Variants in GJB6 observed in about 807,000 individuals in gnomAD.
GJB6 encodes gap junction beta-6 protein.
Under a neutral mutation model 5.4 loss-of-function variants are expected in GJB6, and 5 were observed. The ratio of observed to expected loss-of-function variants is 0.92; its 90% CI spans 0.48 to 1.93. The LOEUF is 1.93. Among genes scored for constraint, GJB6 ranks in the 30% most tolerant of loss-of-function variants. The pLI is 0.01. For missense variants in GJB6, 298 were observed against 326.9 expected (o/e 0.91, Z 0.68); for synonymous variants, 136 against 129.6 (o/e 1.05, Z -0.34).
rs749922524 is a variant in GJB6 at position 20,223,501 on chromosome 13, C to T, written c.-15-6G>A. 3.3e-5 allele frequency: 53 copies of T among 1,611,648 alleles called. No homozygotes were observed. In the South Asian group the frequency reaches 4.5e-4, roughly 14 times the overall value. Reference sequence around the variant, plus strand: ...TCCATTGCGCTGGTTTATCCCTAAACAGACAAAAGTGGGCAAAGGTTTATT... The same window carrying T: ...TCCATTGCGCTGGTTTATCCCTAAATAGACAAAAGTGGGCAAAGGTTTATT... On this transcript the variant is annotated splice_polypyrimidine_tract_variant and splice_region_variant and intron_variant, in intron 4 of 4. Coordinates refer to ENST00000647029, the MANE Select transcript of GJB6 (RefSeq NM_001110219.3).
chr13:20,231,706 A>G (rs1870094175), intron 1 of GJB6, among the ~76,000 whole-genome samples: 1 of 152,118 alleles, frequency 6.6e-6, no homozygotes, highest in South Asian at 2.1e-4. Flanking sequence ...CCAAGGGGAC[A>G]CCCCGGTGAC....
At chr13:20,231,015 C>G (rs142299925) in intron 2 of GJB6, 1 of 152,302 alleles carries the variant, frequency 6.6e-6, no homozygotes, top group African/African-American at 2.4e-5. Context: ...CTTCAGAACC[C>G]CCCTCTCCTC....
rs115033586 is a variant in GJB6 at position 20,230,433 on chromosome 13, G to C, written c.-186+265C>G. Among the ~76,000 whole-genome samples the C allele has an allele frequency of 0.037, 5,637 of 152,226 alleles. 354 individuals carry two copies. The highest frequency in any genetic ancestry group is 0.13 in the African/African-American group (5,279 of 41,518). ...TGGGTCTTGTTAGCAATATATGTTT[G>C]TTCATTCAAGCAAACCTGTGTCCTT... On this transcript the variant is annotated intron_variant, in intron 3 of 4. Transcript: ENST00000647029.
At chr13:20,228,328 G>C (rs1002048798) in intron 4 of GJB6, among the ~76,000 whole-genome samples, 2 of 152,164 alleles carry the variant, frequency 1.3e-5, no homozygotes, top group African/African-American at 4.8e-5. Context: ...TTTAAGGAAA[G>C]AATAGATACG....
chr13:20,228,336 A>G (rs968531638), intron 4 of GJB6, among the ~76,000 whole-genome samples: 1 of 152,226 alleles, frequency 6.6e-6, no homozygotes, highest in African/African-American at 2.4e-5. Context: ...AAGAATAGAT[A>G]CGCTTAGCTT....
Position 20,223,128 on chromosome 13 carries a change from A to C in GJB6, c.353T>G (p.Ile118Arg). The C allele has an allele frequency of 6.2e-7, 1 of 1,613,950 alleles. No homozygotes were observed. The highest frequency in any genetic ancestry group is 8.5e-7 in the Non-Finnish European group (1 of 1,179,868). ...AACCTTCTGCTTTTTAATGTCCTCTATGTCTTTGAAATCATTCCTCTTCTC... is the reference window on the plus strand; with the variant it reads ...AACCTTCTGCTTTTTAATGTCCTCTCTGTCTTTGAAATCATTCCTCTTCTC... ...RGEKRNDFKDIEDIKKQKVRI... is the reference protein window; with the variant it reads ...RGEKRNDFKDREDIKKQKVRI... The change falls in exon 5 of 5, where the codon ATA (isoleucine) becomes AGA (arginine). Residue 118 changes from isoleucine (I) to arginine (R), a missense_variant. Physicochemically the swap from Ile to Arg is moderately conservative, Grantham distance 97. Coordinates refer to ENST00000647029, the MANE Select transcript of GJB6 (RefSeq NM_001110219.3).
In GJB6 at chr13:20,232,210, G is replaced by T. The variant is rs2137362136; in HGVS notation, c.-436C>A. ...CCCGCTTACCTGCTCTGCGGCCGGC[G>T]GCCCTGGCGCGGGCTCTGCGCGGGG... On this transcript the variant is annotated 5_prime_UTR_variant, in exon 1 of 5. Coordinates refer to ENST00000647029, the MANE Select transcript of GJB6 (RefSeq NM_001110219.3). The T allele has an allele frequency of 6.6e-6, 1 of 152,110 alleles. No individual in the cohort carries two copies. Among genetic ancestry groups the T allele is most frequent in the East Asian group, 1.9e-4 (1 of 5,168 alleles). The allele number at this position is 152,110 out of a possible 1,614,324, so 9.4% of individuals were successfully genotyped here. A position where few individuals can be genotyped will look rare whatever the true frequency, so the allele number is the denominator to read the frequency against.
intron 4 of GJB6, among the ~76,000 whole-genome samples, chr13:20,228,290 A>C (rs1430630657): frequency 6.6e-6 from 1 of 152,186 alleles, no homozygotes; most frequent in Non-Finnish European, 1.5e-5. Context: ...AGAGAGGTTC[A>C]TTTTAACTGA....
chr13:20,228,574 C>T (rs59044955), intron 4 of GJB6, among the ~76,000 whole-genome samples: 3,013 of 151,120 alleles, frequency 0.02, 110 homozygotes, highest in African/African-American at 0.068. Flanking sequence ...AGCTCCGCCT[C>T]CCGGGTTCAC....
chr13:20,227,874 A>T (rs1013997312), intron 4 of GJB6, among the ~76,000 whole-genome samples: 3 of 152,064 alleles, frequency 2.0e-5, no homozygotes, highest in Non-Finnish European at 2.9e-5. Context: ...AACGCAGGAG[A>T]CTCAGCAAGT....
Position 20,222,692 on chromosome 13 carries a change from TG to T in GJB6, c.*2del, listed in dbSNP as rs1224892806. 8.7e-6 allele frequency: 14 copies of T among 1,613,762 alleles called. No individual in the cohort carries two copies. Among genetic ancestry groups the T allele is most frequent in the Non-Finnish European group, 1.2e-5 (14 of 1,179,608 alleles). On this transcript the variant is annotated 3_prime_UTR_variant, in exon 5 of 5. Coordinates refer to ENST00000647029, the MANE Select transcript of GJB6 (RefSeq NM_001110219.3). ...GACGCAGCTACATTTTACCTTGAAA[TG>T]TTTAGCTTGGGAAACCTGTGATTGC...
At chr13:20,228,596 G>T (rs931585779) in intron 4 of GJB6, among the ~76,000 whole-genome samples, 2 of 148,174 alleles carry the variant, frequency 1.3e-5, no homozygotes, top group African/African-American at 5.0e-5. Context: ...CCGTTCTCCC[G>T]CCTCAGCCTC....
In GJB6 at chr13:20,222,652, C is replaced by T. The variant is rs748558021; in HGVS notation, c.*43G>A. 6.4e-7 allele frequency: 1 copy of T among 1,564,530 alleles called. No homozygotes were observed. On this transcript the variant is annotated 3_prime_UTR_variant, in exon 5 of 5. Coordinates refer to ENST00000647029, the MANE Select transcript of GJB6 (RefSeq NM_001110219.3). ...GGTTGGTATTGCCTTCTGGAGAAGACAGAAGTCTCCTTATGACGCAGCTAC... is the reference window on the plus strand; with the variant it reads ...GGTTGGTATTGCCTTCTGGAGAAGATAGAAGTCTCCTTATGACGCAGCTAC...
At chr13:20,228,702 TCTC>T (rs1394910877) in intron 4 of GJB6, among the ~76,000 whole-genome samples, 1 of 149,048 alleles carries the variant, frequency 6.7e-6, no homozygotes, top group Non-Finnish European at 1.5e-5. Context: ...GCCAGGATGG[TCTC>T]GATCTCCTGA....
In GJB6 at chr13:20,228,640, A is replaced by G. The variant is rs776348154; in HGVS notation, c.-16+940T>C. ...GCTGGGACTACAGGCGCCTGCCACC[A>G]AGCCCGGCTAATTTTTTGTATTTTT... On this transcript the variant is annotated intron_variant, in intron 4 of 4. Transcript: ENST00000647029. Among the ~76,000 whole-genome samples, 416 of 150,580 alleles carry G rather than the reference A, an allele frequency of 2.8e-3. 1 individual carries two copies. Among genetic ancestry groups the G allele is most frequent in the African/African-American group, 4.5e-3 (183 of 40,818 alleles).
intron 4 of GJB6, among the ~76,000 whole-genome samples, chr13:20,224,927 T>A (rs1869472631): frequency 6.6e-6 from 1 of 152,102 alleles, no homozygotes; most frequent in South Asian, 2.1e-4. Context: ...GACCTCACGC[T>A]CTGGCCCACA....
At chr13:20,226,798 C>T (rs1248283810) in intron 4 of GJB6, among the ~76,000 whole-genome samples, 2 of 152,152 alleles carry the variant, frequency 1.3e-5, no homozygotes, top group African/African-American at 2.4e-5. Flanking sequence ...CAACAAAATG[C>T]CCAATCAGCA....
chr13:20,223,466 C>T lies in GJB6; in HGVS notation c.15G>A (p.Thr5=), dbSNP rs150075979. 360 of 1,613,976 alleles carry T rather than the reference C, an allele frequency of 2.2e-4. 2 individuals carry two copies. In the African/African-American group the frequency reaches 3.7e-3, roughly 17 times the overall value. The change falls in exon 5 of 5, where the codon ACG becomes ACA. Residue 5 remains threonine, a synonymous_variant. Coordinates refer to ENST00000647029, the MANE Select transcript of GJB6 (RefSeq NM_001110219.3). ...TGACACCCCCGATGAAAGTGTGCAGCGTCCCCCAATCCATTGCGCTGGTTT... is the reference window on the plus strand; with the variant it reads ...TGACACCCCCGATGAAAGTGTGCAGTGTCCCCCAATCCATTGCGCTGGTTT... MDWG[T]LHTFIGGVNK...
At chr13:20,226,542 T>C (rs1184938700) in intron 4 of GJB6, among the ~76,000 whole-genome samples, 1 of 152,218 alleles carries the variant, frequency 6.6e-6, no homozygotes, top group African/African-American at 2.4e-5. Context: ...AAAAAGCTCA[T>C]GTTAAATGAT....
Sources: gnomAD v4.1 joint callset for allele counts (sites outside exome capture counted in the v4.1 genomes callset) on GRCh38, gnomAD v4.1.1 for gene constraint, MANE v1.5 for transcripts, NCBI Gene and HGNC (gene_info 2026-07-23, HGNC 2026-07-21) for gene names.